Variants in ABCG2 observed in about 807,000 individuals in gnomAD.
The protein encoded by ABCG2 is ATP binding cassette subfamily G member 2 (JR blood group).
Under a neutral mutation model 73.5 loss-of-function variants are expected in ABCG2, and 80 were observed. The ratio of observed to expected loss-of-function variants is 1.09; its 90% CI spans 0.91 to 1.31. The LOEUF (loss-of-function observed/expected upper bound fraction) is 1.31. ABCG2 is among the 50% of genes most tolerant of loss of function. The pLI is 0.00. For missense variants in ABCG2, 796 were observed against 786.2 expected, an observed-to-expected ratio of 1.01 and a Z score of -0.15; for synonymous variants, 269 against 282.4, an observed-to-expected ratio of 0.95 and a Z score of 0.48.
rs28516566 is a variant in ABCG2, at chr4:88,111,135, T to C, written c.1194+2168A>G. Among the ~76,000 whole-genome samples, 959 of 152,358 alleles carry C rather than the reference T, an allele frequency of 6.3e-3. 6 individuals carry two copies. The highest frequency in any genetic ancestry group is 0.022 in the African/African-American group (921 of 41,576). On this transcript the variant is annotated intron_variant, in intron 9 of 15. Transcript: ENST00000237612. ...TTATGCCCTCTCCAGTATTGCCACA[T>C]AGGCGATTTGGACAAGACATTTATA...
In ABCG2 at chr4:88,091,616, C is replaced by G. The variant is rs533313831; in HGVS notation, c.*618G>C. The G allele has an allele frequency of 7.9e-5, 12 of 152,330 alleles. No homozygotes were observed. Among genetic ancestry groups the G allele is most frequent in the African/African-American group, 2.9e-4 (12 of 41,554 alleles). The allele number at this position is 152,330 out of a possible 1,614,324, so 9.4% of individuals were successfully genotyped here. A position where few individuals can be genotyped will look rare whatever the true frequency, so the allele number is the denominator to read the frequency against. ...ATTCTATTACTGGACTCCTGGCCCT[C>G]TACTCTACCCACAGTTCCAAACCCT... is the stretch of plus-strand genomic sequence containing the variant. On this transcript the variant is annotated 3_prime_UTR_variant, in exon 16 of 16. Transcript: ENST00000237612.
intron 5 of ABCG2, among the ~76,000 whole-genome samples, chr4:88,128,313 C>G (rs945218205): frequency 1.3e-5 from 2 of 152,182 alleles, no homozygotes; most frequent in Non-Finnish European, 2.9e-5. Context: ...AATGCTTTTA[C>G]ACTGTTGATG....
intron 3 of ABCG2, 24 bp from the exon 4 acceptor site, chr4:88,131,941 G>A (rs1371712076): frequency 1.3e-6 from 2 of 1,553,602 alleles, no homozygotes; most frequent in Non-Finnish European, 1.8e-6. Flanking sequence ...TATATGTTGT[G>A]GGTCTAATAA....
chr4:88,096,281 C>T (rs1721978000), intron 13 of ABCG2, among the ~76,000 whole-genome samples: 1 of 152,170 alleles, frequency 6.6e-6, no homozygotes, highest in Non-Finnish European at 1.5e-5. Flanking sequence ...AACTAATTGC[C>T]ACCACAAGCA....
chr4:88,126,647 C>T (rs924422623), intron 5 of ABCG2, among the ~76,000 whole-genome samples: 3 of 152,124 alleles, frequency 2.0e-5, no homozygotes, highest in African/African-American at 4.8e-5. Flanking sequence ...AAATGTAATC[C>T]ATCACATAAA....
intron 1 of ABCG2, among the ~76,000 whole-genome samples, chr4:88,156,910 G>C (rs192278784): frequency 6.6e-6 from 1 of 152,274 alleles, no homozygotes; most frequent in African/African-American, 2.4e-5. Flanking sequence ...TTCGAGACCA[G>C]CCTGGCCAAC....
At chr4:88,137,670 G>A (rs1725346284) in intron 2 of ABCG2, among the ~76,000 whole-genome samples, 1 of 152,156 alleles carries the variant, frequency 6.6e-6, no homozygotes, top group South Asian at 2.1e-4. Context: ...ATATAGGAGA[G>A]GGTCGTTTTT....
intron 5 of ABCG2, among the ~76,000 whole-genome samples, chr4:88,126,026 T>C (rs1256617014): frequency 1.3e-5 from 2 of 151,924 alleles, no homozygotes; most frequent in Non-Finnish European, 1.5e-5. Context: ...ATAGAATACA[T>C]AGACCTCAAG....
chr4:88,229,606 G>T (rs1168986986), intron 1 of ABCG2, among the ~76,000 whole-genome samples: 4 of 152,124 alleles, frequency 2.6e-5, no homozygotes, highest in Non-Finnish European at 5.9e-5. Flanking sequence ...TCCAGGATAG[G>T]GTTCCTTTTA....
At chr4:88,149,643 G>C (rs532848671) in intron 1 of ABCG2, among the ~76,000 whole-genome samples, 148 of 152,142 alleles carry the variant, frequency 9.7e-4, no homozygotes, top group Non-Finnish European at 1.6e-3. Context: ...CATGAGGTCG[G>C]GAGTTCGAGA....
intron 1 of ABCG2, among the ~76,000 whole-genome samples, chr4:88,201,225 AAGAG>A (rs1389154758): frequency 6.6e-6 from 1 of 151,294 alleles, no homozygotes; most frequent in Non-Finnish European, 1.5e-5. Flanking sequence ...AAAAAAAAAA[AAGAG>A]AGAGGACATA....
intron 13 of ABCG2, among the ~76,000 whole-genome samples, chr4:88,096,565 A>G (rs924873814): frequency 2.0e-5 from 3 of 152,220 alleles, no homozygotes; most frequent in African/African-American, 7.2e-5. Context: ...TGGAAGAATT[A>G]AACTATGGCA....
Position 88,091,481 on chromosome 4 carries a change from C to T in ABCG2, c.*753G>A. The T allele has an allele frequency of 6.6e-6, 1 of 152,094 alleles. No homozygotes were observed. The highest frequency in any genetic ancestry group is 1.9e-4 in the East Asian group (1 of 5,190). The allele number at this position is 152,094 out of a possible 1,614,324, so 9.4% of individuals were successfully genotyped here. ...CAGATTTTTGTATTTTAGCAAAGTT[C>T]CTCAGATGATTCTGACGCACACCTG... On this transcript the variant is annotated 3_prime_UTR_variant, in exon 16 of 16. Transcript: ENST00000237612.
chr4:88,113,420 C>T lies in ABCG2; in HGVS notation c.1077G>A (p.Lys359=), dbSNP rs745374450. The part of the protein sequence containing the change: ...LHQLSGGEKK[K]KITVFKEISY... Reference sequence around the variant, plus strand: ...TGATCTCCTTGAAGACTGTGATCTTCTTCTTCTTCTCACCCCCGGAAAGTT... The same window carrying T: ...TGATCTCCTTGAAGACTGTGATCTTTTTCTTCTTCTCACCCCCGGAAAGTT... The change falls in exon 9 of 16, where the codon AAG becomes AAA. Residue 359 remains lysine, a synonymous_variant. Coordinates refer to ENST00000237612, the MANE Select transcript of ABCG2 (RefSeq NM_004827.3). 1 of 1,614,182 alleles carries T rather than the reference C, an allele frequency of 6.2e-7. No individual in the cohort carries two copies. The highest frequency in any genetic ancestry group is 1.1e-5 in the South Asian group (1 of 91,088).
chr4:88,180,854 C>T (rs981909632), intron 1 of ABCG2, among the ~76,000 whole-genome samples: 2 of 152,050 alleles, frequency 1.3e-5, no homozygotes. Context: ...AATAAGTACA[C>T]AGAAAACCAC....
At chr4:88,220,176 T>C (rs750872717) in intron 1 of ABCG2, among the ~76,000 whole-genome samples, 1 of 152,224 alleles carries the variant, frequency 6.6e-6, no homozygotes, top group African/African-American at 2.4e-5. Context: ...GGCTGCATAA[T>C]CCTCCATTCT....
chr4:88,093,503 CAAAAAAAAA>C lies in ABCG2; in HGVS notation c.1820+1065_1820+1073del, dbSNP rs10533191. ...TCGGTGACAGAGCGAGACTCCATTT[CAAAAAAAAA>C]AAAAAAAAAAAAGGAATATCTTCCT... On this transcript the variant is annotated intron_variant, in intron 15 of 15. Transcript: ENST00000237612. Among the ~76,000 whole-genome samples, 16 of 104,974 alleles carry C rather than the reference CAAAAAAAAA, an allele frequency of 1.5e-4. No homozygotes were observed. In the East Asian group the frequency reaches 1.6e-3, roughly 11 times the overall value. The allele number at this position is 104,974 out of a possible 152,430, so 68.9% of individuals were successfully genotyped here.
chr4:88,205,091 C>T (rs985160907), intron 1 of ABCG2, among the ~76,000 whole-genome samples: 4 of 152,174 alleles, frequency 2.6e-5, no homozygotes, highest in South Asian at 2.1e-4. Context: ...AGGAGCTGTT[C>T]ACCTTTTCCT....
rs868217328 is a variant in ABCG2, at chr4:88,097,584, AG to A, written c.1515del (p.Phe506SerfsTer4). The A allele has an allele frequency of 2.7e-5, 44 of 1,614,032 alleles. No homozygotes were observed. The East Asian group carries it at 9.8e-4, about 36-fold the overall frequency. ...ATAAGGGTAAACATCATAACGAAGA[AG>A]GCATCTGCCTTTGGCTTCAATCCTT... ...FMLGLKPKADAFFVMMFTLMM... is the reference protein window; with the variant it reads ...FMLGLKPKADXFFVMMFTLMM... On this transcript the variant is annotated frameshift_variant, in exon 13 of 16. Transcript: ENST00000237612. LOFTEE classifies it high-confidence loss of function.
Sources: allele counts gnomAD v4.1 joint callset (sites outside exome capture counted in the v4.1 genomes callset), GRCh38; gene constraint gnomAD v4.1.1; transcripts MANE v1.5; gene names NCBI Gene and HGNC (gene_info 2026-07-23, HGNC 2026-07-21).